RABL6: variants seen among roughly 807,000 people sequenced by gnomAD.
RABL6 encodes the protein rab-like protein 6.
Under a neutral mutation model 72.9 loss-of-function variants are expected in RABL6, and 28 were observed. That is an observed-to-expected ratio of 0.38 (90% CI 0.28 to 0.53). The LOEUF (loss-of-function observed/expected upper bound fraction) is 0.53. RABL6 is among the 20% of genes least tolerant of loss of function. The probability of loss-of-function intolerance (pLI) is 0.80; values close to 1 mark genes in which losing one functional copy is unlikely to be tolerated. For synonymous variants in RABL6, 477 were observed against 421.2 expected (o/e 1.13, Z -1.62); for missense variants, 1,029 against 1,008.4 (o/e 1.02, Z -0.28).
chr9:136,824,259 G>A (rs1177425233), intron 2 of RABL6, among the ~76,000 whole-genome samples: 3 of 151,620 alleles, frequency 2.0e-5, no homozygotes, highest in Non-Finnish European at 4.4e-5. Flanking sequence ...GTTCAGAATC[G>A]TGACAGCAAA....
At position 136,840,496 on chromosome 9, in the gene RABL6, G is replaced by A. The variant is rs796147174; in HGVS notation, c.2164G>A (p.Gly722Arg). The A allele has an allele frequency of 5.8e-5, 88 of 1,528,614 alleles. No individual in the cohort carries two copies. In the African/African-American group the frequency reaches 9.6e-4, roughly 17 times the overall value. The allele number at this position is 1,528,614 out of a possible 1,614,324, so 94.7% of individuals were successfully genotyped here. The change falls in exon 15 of 15, where the codon GGG becomes AGG. Residue 722 changes from glycine to arginine, a missense_variant. Gly to Arg is a moderately radical substitution (Grantham distance 125). Transcript: ENST00000311502. ...CGGGGCCCCGGGCGGCCGCCACCCT[G>A]GGGGTGGCGACTACGAGGAGCTCTA... ...GGGAPGGRHP[G>R]GGDYEEL
At chr9:136,838,873 C>T (rs1384895500) in intron 10 of RABL6, 36 bp from the exon 11 acceptor site, 2 of 1,502,410 alleles carry the variant, frequency 1.3e-6, no homozygotes, top group Non-Finnish European at 1.8e-6. Flanking sequence ...CATCCCTACC[C>T]CGTGGCCCTT....
At chr9:136,822,077 G>A (rs1167165194) in intron 1 of RABL6, 1 of 1,289,206 alleles carries the variant, frequency 7.8e-7, no homozygotes, top group Non-Finnish European at 1.0e-6. Flanking sequence ...GTAGAGGGAG[G>A]GGACTGGGCC....
At chr9:136,814,067 C>A in intron 1 of RABL6, 1 of 377,514 alleles carries the variant, frequency 2.6e-6, no homozygotes, top group Non-Finnish European at 5.3e-6. Flanking sequence ...CCAGCGAGTT[C>A]CAAGGCTCTT....
rs1002476689 is a variant in RABL6 at position 136,826,389 on chromosome 9, G to T, written c.313+563G>T. Among the ~76,000 whole-genome samples, 2 of 152,292 alleles carry T rather than the reference G, an allele frequency of 1.3e-5. No homozygotes were observed. The highest frequency in any genetic ancestry group is 6.5e-5 in the Admixed American group (1 of 15,306). On this transcript the variant is annotated intron_variant, in intron 3 of 14. Transcript: ENST00000311502. This position sits in a 1 kb window ranked among gnomAD's most constrained non-coding sequence, Gnocchi z 4.9. Reference sequence around the variant, plus strand: ...TGGCCCTCCCCGGGGCCCATGGTCCGTGTGCATGTGTGGTGTGTGCAGGGC... The same window carrying T: ...TGGCCCTCCCCGGGGCCCATGGTCCTTGTGCATGTGTGGTGTGTGCAGGGC...
intron 1 of RABL6, among the ~76,000 whole-genome samples, chr9:136,812,552 TC>T (rs1341940520): frequency 1.3e-5 from 2 of 151,676 alleles, no homozygotes; most frequent in African/African-American, 4.8e-5. Context: ...GAGTGAGACT[TC>T]GTCTTAAAAA....
chr9:136,837,516 C>T lies in RABL6; in HGVS notation c.980C>T (p.Ala327Val). The change falls in exon 9 of 15, where the codon GCC becomes GTC. Residue 327 changes from alanine (A) to valine (V), a missense_variant. Ala to Val is a moderately conservative substitution (Grantham distance 64). Coordinates refer to ENST00000311502, the MANE Select transcript of RABL6 (RefSeq NM_024718.5). ...PQPAPQLPLNAAPPSSVPPVP... is the reference protein window; with the variant it reads ...PQPAPQLPLNVAPPSSVPPVP... ...CCCGCCCCACAGCTGCCCCTCAATG[C>T]CGCCCCACCATCCTCTGTGCCCCCT... is the stretch of plus-strand genomic sequence containing the variant. 1 of 1,540,406 alleles carries T rather than the reference C, an allele frequency of 6.5e-7. No individual in the cohort carries two copies.
In RABL6 at chr9:136,839,232, C is replaced by T. The variant is rs752652656; in HGVS notation, c.1504C>T (p.Pro502Ser). 1 of 1,599,274 alleles carries T rather than the reference C, an allele frequency of 6.3e-7. No individual in the cohort carries two copies. Among genetic ancestry groups the T allele is most frequent in the Non-Finnish European group, 8.5e-7 (1 of 1,173,118 alleles). Reference sequence around the variant, plus strand: ...TGCTTGTCCACAAAGGTCCTCCATACCAGCTTCGAAGCCACGGAGGGGGAC... The same window carrying T: ...TGCTTGTCCACAAAGGTCCTCCATATCAGCTTCGAAGCCACGGAGGGGGAC... ...SEPETKWSSI[P>S]ASKPRRGTAP... Residue 502 changes from proline to serine, a missense_variant, in exon 12 of 15, where the codon CCA (proline) becomes TCA (serine). By Grantham distance (74) the Pro-to-Ser change is moderately conservative. Transcript: ENST00000311502.
At position 136,840,510 on chromosome 9, in the gene RABL6, C is replaced by CGAGGAGCTCT; in HGVS notation, c.2179_2188dup (p.Ter730=). The CGAGGAGCTCT allele has an allele frequency of 6.6e-7, 1 of 1,513,218 alleles. No individual in the cohort carries two copies. Among genetic ancestry groups the CGAGGAGCTCT allele is most frequent in the Non-Finnish European group, 8.9e-7 (1 of 1,129,022 alleles). 93.7% of individuals were successfully genotyped at this position (1,513,218 alleles called of 1,614,324 possible). A position where few individuals can be genotyped will look rare whatever the true frequency, so the allele number is the denominator to read the frequency against. On this transcript the variant is annotated frameshift_variant, in exon 15 of 15. Coordinates refer to ENST00000311502, the MANE Select transcript of RABL6 (RefSeq NM_024718.5). LOFTEE classifies it high-confidence loss of function. The stretch of plus-strand genomic sequence containing the variant: ...GCCGCCACCCTGGGGGTGGCGACTA[C>CGAGGAGCTCT]GAGGAGCTCTAGGCCGGCGTGGGCA...
rs548070111 is a variant in RABL6, at chr9:136,838,118, G to A, written c.1280+103G>A. 79 of 1,391,772 alleles carry A rather than the reference G, an allele frequency of 5.7e-5. No homozygotes were observed. In the East Asian group the frequency reaches 8.7e-4, roughly 15 times the overall value. 86.2% of individuals were successfully genotyped at this position (1,391,772 alleles called of 1,614,324 possible). ...TCTAGGGGCGCAGAAGGGGCCCCCC[G>A]CCGGCTGGTCACTGTTGGCTGAGGA... On this transcript the variant is annotated intron_variant, in intron 10 of 14. Coordinates refer to ENST00000311502, the MANE Select transcript of RABL6 (RefSeq NM_024718.5).
At chr9:136,832,503 A>G (rs1371722179) in intron 7 of RABL6, 133 bp downstream of exon 7, 12 of 808,738 alleles carry the variant, frequency 1.5e-5, no homozygotes, top group Non-Finnish European at 2.6e-5. Context: ...GCTGCTGGCA[A>G]GGGCCCAGCG....
chr9:136,839,040 G>C lies in RABL6; in HGVS notation c.1412G>C (p.Ser471Thr), dbSNP rs1463119086. ...PVPSQDITLS[S>T]EEEAEVAAPT... ...CCCAGTCAAGACATCACTCTTTCGA[G>C]TGAGGAGGAAGCAGAAGTGGCAGCT... The change falls in exon 11 of 15, where the codon AGT (serine) becomes ACT (threonine). Residue 471 changes from serine (S) to threonine (T), a missense_variant. This residue lies in a region of RABL6 where 595 missense variants were observed against 472.4 expected (regional missense o/e 1.26). Transcript: ENST00000311502. 1 of 1,612,444 alleles carries C rather than the reference G, an allele frequency of 6.2e-7. No individual in the cohort carries two copies. Among genetic ancestry groups the C allele is most frequent in the Non-Finnish European group, 8.5e-7 (1 of 1,179,798 alleles).
At chr9:136,818,381 AAAAAAAAAAAAAAAAAAAAAAAAC>A (rs1321229018) in intron 1 of RABL6, among the ~76,000 whole-genome samples, 31 of 122,356 alleles carry the variant, frequency 2.5e-4, no homozygotes, top group African/African-American at 8.0e-4. Context: ...AAAAAAAAAA[AAAAAAAAAAAAAAAAAAAAAAAAC>A]CAAAGGTAAG....
In RABL6 at chr9:136,841,177, G is replaced by A. The variant is rs1304655098; in HGVS notation, c.*655G>A. Reference sequence around the variant, plus strand: ...TCCACTCAGACCATAAAGCACTCCTGTTTCACTCTGCGTGTGTCTGTTCTT... The same window carrying A: ...TCCACTCAGACCATAAAGCACTCCTATTTCACTCTGCGTGTGTCTGTTCTT... On this transcript the variant is annotated 3_prime_UTR_variant, in exon 15 of 15. Transcript: ENST00000311502. 6.0e-6 allele frequency: 4 copies of A among 667,088 alleles called. No individual in the cohort carries two copies. The highest frequency in any genetic ancestry group is 3.2e-5 in the East Asian group (1 of 30,850). The allele number at this position is 667,088 out of a possible 1,614,324, so 41.3% of individuals were successfully genotyped here. A position where few individuals can be genotyped will look rare whatever the true frequency, so the allele number is the denominator to read the frequency against.
At chr9:136,838,412 C>T in intron 10 of RABL6, among the ~76,000 whole-genome samples, 1 of 152,172 alleles carries the variant, frequency 6.6e-6, no homozygotes, top group East Asian at 1.9e-4. Flanking sequence ...GAGCTGGGAG[C>T]TAGAGCCGCC....
chr9:136,817,851 C>T (rs1848152173), intron 1 of RABL6, among the ~76,000 whole-genome samples: 1 of 151,968 alleles, frequency 6.6e-6, no homozygotes, highest in African/African-American at 2.4e-5. Context: ...CACTTGAGGT[C>T]AGGAGTTTGA....
chr9:136,838,845 C>T (rs2131205932), intron 10 of RABL6, 64 bp from the exon 11 acceptor site: 1 of 1,413,840 alleles, frequency 7.1e-7, no homozygotes, highest in Non-Finnish European at 9.4e-7. Context: ...AGAACCAAGG[C>T]CCGTGAGCCC....
chr9:136,823,057 C>T (rs566521452), intron 1 of RABL6, among the ~76,000 whole-genome samples: 7 of 145,320 alleles, frequency 4.8e-5, no homozygotes, highest in South Asian at 4.4e-4. Context: ...CACTGCAGTA[C>T]GGCCTGGGCA....
At chr9:136,831,680 G>A (rs768401114) in intron 5 of RABL6, 41 bp from the exon 6 acceptor site, 35 of 1,608,572 alleles carry the variant, frequency 2.2e-5, no homozygotes, top group South Asian at 6.6e-5. Flanking sequence ...ACAGGGCGTC[G>A]CAGGGCTGAA....
Sources: gnomAD v4.1 joint callset for allele counts (sites outside exome capture counted in the v4.1 genomes callset) on GRCh38, gnomAD v4.1.1 for gene constraint, gnomAD v4.1.1 regional missense constraint, Gnocchi (gnomAD v3.1) non-coding constraint, MANE v1.5 for transcripts, NCBI Gene and HGNC (gene_info 2026-07-23, HGNC 2026-07-21) for gene names.